TCERG1L: variants seen among roughly 807,000 people sequenced by gnomAD.
TCERG1L encodes transcription elongation regulator 1-like protein.
A neutral mutation model predicts 56.3 loss-of-function variants in TCERG1L; 37 were observed. The observed-to-expected ratio is 0.66, with a 90% CI of 0.51 to 0.87. The LOEUF is 0.87. Ranked by LOEUF, TCERG1L falls within the 40% of genes least tolerant of loss-of-function variation. TCERG1L has a pLI of 0.00. For synonymous variants in TCERG1L, 324 were observed against 326.3 expected (o/e 0.99, Z 0.08); for missense variants, 799 against 774.2 (o/e 1.03, Z -0.38).
intron 3 of TCERG1L, among the ~76,000 whole-genome samples, chr10:131,286,364 A>G (rs910237318): frequency 6.6e-6 from 1 of 152,198 alleles, no homozygotes; most frequent in African/African-American, 2.4e-5. Context: ...ATAATTTATA[A>G]TATCATGGAA....
Position 131,227,363 on chromosome 10 carries a change from C to A in TCERG1L, c.856+32896G>T, listed in dbSNP as rs79911274. Among the ~76,000 whole-genome samples, 229 of 152,352 alleles carry A rather than the reference C, an allele frequency of 1.5e-3. 4 individuals carry two copies. In the East Asian group the frequency reaches 0.033, roughly 22 times the overall value. On this transcript the variant is annotated intron_variant, in intron 4 of 11. Coordinates refer to ENST00000368642, the MANE Select transcript of TCERG1L (RefSeq NM_174937.4). ...AGAGTAGAGTCCCCTTGGGTGGACA[C>A]GCGGTGTGGGCAGAGCTGGACCAAG... is the stretch of plus-strand genomic sequence containing the variant.
intron 3 of TCERG1L, among the ~76,000 whole-genome samples, chr10:131,276,451 G>A (rs1386439105): frequency 6.6e-6 from 1 of 152,156 alleles, no homozygotes; most frequent in Non-Finnish European, 1.5e-5. Flanking sequence ...TTATCATCAG[G>A]CAGCTGTTTT....
At chr10:131,278,702 C>T (rs1057495060) in intron 3 of TCERG1L, among the ~76,000 whole-genome samples, 1 of 152,212 alleles carries the variant, frequency 6.6e-6, no homozygotes, top group Non-Finnish European at 1.5e-5. Context: ...GGAGTCACTT[C>T]CTGCCAAGGC....
intron 4 of TCERG1L, among the ~76,000 whole-genome samples, chr10:131,244,433 T>TG (rs1846007467): frequency 6.6e-6 from 1 of 150,710 alleles, no homozygotes; most frequent in African/African-American, 2.4e-5. Context: ...GCATGCAGAG[T>TG]GGGGGTGCTT....
At chr10:131,197,891 C>T (rs1419352614) in intron 4 of TCERG1L, among the ~76,000 whole-genome samples, 1 of 152,118 alleles carries the variant, frequency 6.6e-6, no homozygotes, top group African/African-American at 2.4e-5. Flanking sequence ...AGACCAAATT[C>T]CTGTTATGTT....
At chr10:131,190,293 A>G (rs1348374659) in intron 4 of TCERG1L, among the ~76,000 whole-genome samples, 1 of 152,164 alleles carries the variant, frequency 6.6e-6, no homozygotes, top group African/African-American at 2.4e-5. Flanking sequence ...TAAAATTGCC[A>G]CACAAAGAAA....
At chr10:131,270,951 A>G (rs1262429170) in intron 3 of TCERG1L, among the ~76,000 whole-genome samples, 1 of 152,032 alleles carries the variant, frequency 6.6e-6, no homozygotes, top group Non-Finnish European at 1.5e-5. Flanking sequence ...GACGCATCTG[A>G]GAGGAACAGG....
intron 10 of TCERG1L, among the ~76,000 whole-genome samples, chr10:131,101,135 C>T (rs530287148): frequency 2.0e-5 from 3 of 152,238 alleles, no homozygotes; most frequent in Non-Finnish European, 2.9e-5. Context: ...CCCAGGCAGG[C>T]CCAACTCCAT....
At chr10:131,133,091 CGT>C (rs1845636346) in intron 8 of TCERG1L, among the ~76,000 whole-genome samples, 1 of 152,148 alleles carries the variant, frequency 6.6e-6, no homozygotes, top group Non-Finnish European at 1.5e-5. Flanking sequence ...TCTAGTTCTA[CGT>C]GTTTTGTTCA....
At position 131,203,936 on chromosome 10, in the gene TCERG1L, CG is replaced by C. The variant is rs536150876; in HGVS notation, c.857-37052del. On this transcript the variant is annotated intron_variant, in intron 4 of 11. Transcript: ENST00000368642. ...ATTAGGTCACACTAGGGCATGAATA[CG>C]TGAGTCCCCACAAAACCCCAAAGTA... 1.0e-3 allele frequency among the ~76,000 whole-genome samples: 152 copies of C among 152,318 alleles called. 1 individual carries two copies. The highest frequency in any genetic ancestry group is 1.7e-3 in the Non-Finnish European group (117 of 68,016).
At chr10:131,293,912 G>C (rs1846662168) in intron 3 of TCERG1L, among the ~76,000 whole-genome samples, 1 of 152,108 alleles carries the variant, frequency 6.6e-6, no homozygotes, top group Non-Finnish European at 1.5e-5. Flanking sequence ...TAACTTCAAG[G>C]TTGATAGGCA....
chr10:131,147,966 TG>T lies in TCERG1L; in HGVS notation c.1035-1307del, dbSNP rs935539124. On this transcript the variant is annotated intron_variant, in intron 6 of 11. Transcript: ENST00000368642. The stretch of plus-strand genomic sequence containing the variant: ...TGGGCCAGGCAGAGGGCTCAGGGCC[TG>T]GGGCCCTGCATGTTGGCAACCCTGG... Among the ~76,000 whole-genome samples, 13 of 152,302 alleles carry T rather than the reference TG, an allele frequency of 8.5e-5. No homozygotes were observed. In the East Asian group the frequency reaches 2.1e-3, roughly 25 times the overall value.
chr10:131,212,332 G>A (rs534691909), intron 4 of TCERG1L, among the ~76,000 whole-genome samples: 2 of 152,308 alleles, frequency 1.3e-5, no homozygotes, highest in Admixed American at 1.3e-4. Context: ...CACATCCATG[G>A]CCTGAAGTTA....
In TCERG1L at chr10:131,248,227, TCACA is replaced by T. The variant is rs1049616622; in HGVS notation, c.856+12028_856+12031del. Among the ~76,000 whole-genome samples the T allele has an allele frequency of 3.5e-4, 50 of 143,856 alleles. No individual in the cohort carries two copies. In the Middle Eastern group the frequency reaches 0.019, roughly 56 times the overall value. The allele number at this position is 143,856 out of a possible 152,430, so 94.4% of individuals were successfully genotyped here. A position where few individuals can be genotyped will look rare whatever the true frequency, so the allele number is the denominator to read the frequency against. ...CACACACAACTCTCTCACACACAAC[TCACA>T]CACACACGACTCACACACACTGATA... is the stretch of plus-strand genomic sequence containing the variant. On this transcript the variant is annotated intron_variant, in intron 4 of 11. Transcript: ENST00000368642.
chr10:131,168,387 T>C (rs1180684497), intron 4 of TCERG1L, among the ~76,000 whole-genome samples: 3 of 152,268 alleles, frequency 2.0e-5, no homozygotes, highest in Middle Eastern at 6.8e-3. Context: ...ATGTCCTCCG[T>C]GGGCATTGGC....
chr10:131,212,399 G>A (rs1845628750), intron 4 of TCERG1L, among the ~76,000 whole-genome samples: 1 of 152,158 alleles, frequency 6.6e-6, no homozygotes, highest in Non-Finnish European at 1.5e-5. Context: ...TGCATGATGG[G>A]AAACTCCATT....
At chr10:131,177,059 C>CAG in intron 4 of TCERG1L, among the ~76,000 whole-genome samples, 1 of 108,380 alleles carries the variant, frequency 9.2e-6, no homozygotes, top group Non-Finnish European at 1.8e-5. Flanking sequence ...CAGACGTATA[C>CAG]ACACACAGAC....
At chr10:131,306,204 G>T (rs943556353) in intron 3 of TCERG1L, among the ~76,000 whole-genome samples, 2 of 151,924 alleles carry the variant, frequency 1.3e-5, no homozygotes, top group Non-Finnish European at 2.9e-5. Flanking sequence ...GCTTTCTTTG[G>T]CCTAAGAGAC....
At chr10:131,224,287 G>A (rs1349623207) in intron 4 of TCERG1L, among the ~76,000 whole-genome samples, 3 of 152,230 alleles carry the variant, frequency 2.0e-5, no homozygotes, top group East Asian at 3.9e-4. Context: ...CTGACCCTGA[G>A]GTCGCTGCAC....
Sources: allele counts gnomAD v4.1 joint callset (sites outside exome capture counted in the v4.1 genomes callset), GRCh38; gene constraint gnomAD v4.1.1; transcripts MANE v1.5; gene names NCBI Gene and HGNC (gene_info 2026-07-23, HGNC 2026-07-21).